ME1: variants seen among roughly 807,000 people sequenced by gnomAD.
The protein encoded by ME1 is malic enzyme 1, also known as NADP-dependent malic enzyme.
A neutral mutation model predicts 66.4 loss-of-function variants in ME1; 74 were observed. The observed-to-expected ratio is 1.11, with a 90% CI of 0.92 to 1.35. ME1 has a LOEUF of 1.35. ME1 is among the 40% of genes most tolerant of loss of function. ME1 has a pLI of 0.00. For synonymous variants in ME1, 251 were observed against 235.6 expected (o/e 1.07, Z -0.60); for missense variants, 750 against 694.1 (o/e 1.08, Z -0.90).
At chr6:83,291,700 A>G (rs887673874) in intron 6 of ME1, among the ~76,000 whole-genome samples, 4 of 152,092 alleles carry the variant, frequency 2.6e-5, no homozygotes, top group African/African-American at 9.7e-5. Flanking sequence ...CCTGCATAAT[A>G]TCCTGAAGAG....
At chr6:83,305,319 T>C (rs1365046510) in intron 6 of ME1, among the ~76,000 whole-genome samples, 2 of 152,072 alleles carry the variant, frequency 1.3e-5, no homozygotes, top group East Asian at 3.9e-4. Flanking sequence ...ACATAATAAA[T>C]GAATAATGGT....
At chr6:83,289,592 TTC>T (rs1411685117) in intron 6 of ME1, among the ~76,000 whole-genome samples, 1 of 152,144 alleles carries the variant, frequency 6.6e-6, no homozygotes, top group Non-Finnish European at 1.5e-5. Context: ...GCCTGAAATT[TTC>T]TTTTTTTGTT....
chr6:83,253,874 T>C (rs1049223405), intron 6 of ME1, 136 bp from the exon 7 acceptor site: 1 of 532,776 alleles, frequency 1.9e-6, no homozygotes, highest in South Asian at 3.0e-5. Context: ...AGTATAAATA[T>C]GTAATATAAT....
At chr6:83,327,606 C>G (rs184902480) in intron 5 of ME1, among the ~76,000 whole-genome samples, 128 of 152,278 alleles carry the variant, frequency 8.4e-4, no homozygotes, top group African/African-American at 3.0e-3. Flanking sequence ...AACCCTGTCT[C>G]CTGATAAGAT....
chr6:83,219,315 T>A (rs1031249372), intron 12 of ME1, among the ~76,000 whole-genome samples: 4 of 152,216 alleles, frequency 2.6e-5, no homozygotes, highest in African/African-American at 9.6e-5. Context: ...ACAAAATGAA[T>A]AGCACAATGT....
chr6:83,244,513 T>A (rs994830632), intron 7 of ME1, among the ~76,000 whole-genome samples: 1 of 152,024 alleles, frequency 6.6e-6, no homozygotes, highest in African/African-American at 2.4e-5. Flanking sequence ...AGGTAGCAGA[T>A]GGTGTTTAAA....
At chr6:83,352,020 A>G (rs1476627961) in intron 4 of ME1, 44 bp downstream of exon 4, 1 of 1,347,650 alleles carries the variant, frequency 7.4e-7, no homozygotes, top group Non-Finnish European at 1.0e-6. Context: ...TATGGGACAG[A>G]AAAAAGAAAA....
intron 3 of ME1, among the ~76,000 whole-genome samples, chr6:83,365,010 A>C (rs1398585955): frequency 2.6e-5 from 4 of 152,100 alleles, no homozygotes; most frequent in Non-Finnish European, 5.9e-5. Flanking sequence ...GGGCTCTGTC[A>C]CCTGGCACTG....
intron 3 of ME1, among the ~76,000 whole-genome samples, chr6:83,387,721 A>G (rs1769537443): frequency 1.3e-5 from 2 of 152,276 alleles, no homozygotes; most frequent in South Asian, 4.1e-4. Context: ...AAAATATTTT[A>G]ATATTTTGTT....
chr6:83,405,906 A>G (rs1479739016), intron 2 of ME1, among the ~76,000 whole-genome samples: 1 of 151,760 alleles, frequency 6.6e-6, no homozygotes, highest in Admixed American at 6.6e-5. Context: ...TATTTTTAGT[A>G]GAGACGGGGT....
chr6:83,281,552 T>A (rs1767286373), intron 6 of ME1, among the ~76,000 whole-genome samples: 1 of 152,008 alleles, frequency 6.6e-6, no homozygotes, highest in South Asian at 2.1e-4. Context: ...ACACCTGTAA[T>A]CCCAGCACTT....
At chr6:83,233,482 G>C (rs1467945243) in intron 9 of ME1, among the ~76,000 whole-genome samples, 1 of 151,898 alleles carries the variant, frequency 6.6e-6, no homozygotes, top group Admixed American at 6.6e-5. Flanking sequence ...TGCACATATG[G>C]ATATGGTGTA....
intron 2 of ME1, among the ~76,000 whole-genome samples, chr6:83,398,987 TTTTA>T (rs972512216): frequency 3.3e-5 from 5 of 151,952 alleles, no homozygotes; most frequent in Non-Finnish European, 5.9e-5. Context: ...TTATTTTTTA[TTTTA>T]TTTATTTATT....
At chr6:83,287,567 G>A (rs145775271) in intron 6 of ME1, among the ~76,000 whole-genome samples, 32 of 152,268 alleles carry the variant, frequency 2.1e-4, no homozygotes, top group African/African-American at 7.2e-4. Context: ...TGGACATTTG[G>A]GTTGGTTCCA....
intron 6 of ME1, among the ~76,000 whole-genome samples, chr6:83,296,160 A>G (rs778880546): frequency 2.0e-5 from 3 of 152,164 alleles, no homozygotes; most frequent in African/African-American, 4.8e-5. Context: ...TCCTCATTCT[A>G]TGATGCCAGC....
chr6:83,306,010 A>G (rs937696058), intron 6 of ME1, among the ~76,000 whole-genome samples: 2 of 152,142 alleles, frequency 1.3e-5, no homozygotes, highest in East Asian at 3.8e-4. Context: ...CTATAAACAC[A>G]CGTAAATTAA....
chr6:83,224,063 G>A, intron 11 of ME1, 130 bp from the exon 12 acceptor site: 2 of 811,502 alleles, frequency 2.5e-6, no homozygotes, highest in Non-Finnish European at 3.8e-6. Context: ...TTATTAACTT[G>A]CTAATAAGTC....
At chr6:83,253,601 G>T in intron 7 of ME1, 28 bp downstream of exon 7, 1 of 1,063,666 alleles carries the variant, frequency 9.4e-7, no homozygotes, top group Non-Finnish European at 1.5e-6. Flanking sequence ...ACATGTTATT[G>T]ATCCATATGC....
At chr6:83,298,994 T>A (rs1767661435) in intron 6 of ME1, among the ~76,000 whole-genome samples, 1 of 145,174 alleles carries the variant, frequency 6.9e-6, no homozygotes, top group Admixed American at 6.9e-5. Context: ...CTGTTTTGGT[T>A]ACTGTAGCCT....
Sources: allele counts gnomAD v4.1 joint callset (sites outside exome capture counted in the v4.1 genomes callset), GRCh38; gene constraint gnomAD v4.1.1; transcripts MANE v1.5; gene names NCBI Gene and HGNC (gene_info 2026-07-23, HGNC 2026-07-21).